Variants in DMD observed in about 807,000 individuals in gnomAD.
DMD encodes the protein dystrophin.
A neutral mutation model predicts 330.1 loss-of-function variants in DMD; 63 were observed. The ratio of observed to expected loss-of-function variants is 0.19; its 90% CI spans 0.16 to 0.24. The LOEUF is 0.24. Among genes scored for constraint, DMD ranks in the 10% least tolerant of loss-of-function variants. The probability of loss-of-function intolerance (pLI) is 1.00; values close to 1 mark genes in which losing one functional copy is unlikely to be tolerated. For synonymous variants in DMD, 1,223 were observed against 959.8 expected (o/e 1.27, Z -5.07); for missense variants, 3,344 against 2,684.1 (o/e 1.25, Z -5.43).
At chrX:32,842,673 T>C (rs1273495561) in intron 4 of DMD, among the ~76,000 whole-genome samples, 2 of 111,792 alleles carry the variant, frequency 1.8e-5, no homozygotes, top group African/African-American at 3.3e-5. Context: ...ATATGTGTTA[T>C]TCGGTTTTCT....
chrX:33,012,036 G>T (rs1421051648), intron 2 of DMD, among the ~76,000 whole-genome samples: 2 of 111,302 alleles, frequency 1.8e-5, no homozygotes, highest in African/African-American at 6.5e-5. Flanking sequence ...CTTCTAAAAG[G>T]AATTGTCAAG....
At chrX:31,673,519 A>G (rs1432418363) in intron 53 of DMD, among the ~76,000 whole-genome samples, 1 of 110,693 alleles carries the variant, frequency 9.0e-6, no homozygotes, top group Non-Finnish European at 1.9e-5. Flanking sequence ...ATGCTGAGAG[A>G]CTCACTTGAT....
At chrX:32,067,691 T>C (rs1291818530) in intron 44 of DMD, among the ~76,000 whole-genome samples, 1 of 111,894 alleles carries the variant, frequency 8.9e-6, no homozygotes, top group Non-Finnish European at 1.9e-5. Context: ...ATGATTTTCT[T>C]CTTTTCGTGG....
chrX:31,585,006 T>C (rs1483104387), intron 55 of DMD, among the ~76,000 whole-genome samples: 2 of 110,135 alleles, frequency 1.8e-5, no homozygotes, highest in Non-Finnish European at 3.8e-5. Flanking sequence ...GTCACAAATT[T>C]ATTGGCTATT....
At chrX:32,151,652 C>T (rs1437700477) in intron 44 of DMD, among the ~76,000 whole-genome samples, 2 of 111,951 alleles carry the variant, frequency 1.8e-5, no homozygotes, top group Non-Finnish European at 3.8e-5. Flanking sequence ...CTGAACATTA[C>T]TCCAAATCTA....
intron 44 of DMD, among the ~76,000 whole-genome samples, chrX:32,105,402 C>A (rs931488880): frequency 8.9e-6 from 1 of 111,734 alleles, no homozygotes. Flanking sequence ...ACATTTATAG[C>A]TTAAAATGAA....
intron 2 of DMD, among the ~76,000 whole-genome samples, chrX:33,002,629 G>A (rs952421708): frequency 1.1e-4 from 12 of 110,078 alleles, no homozygotes; most frequent in Non-Finnish European, 2.3e-4. Flanking sequence ...GACTGGGCCC[G>A]CAATCAGTCT....
intron 1 of DMD, among the ~76,000 whole-genome samples, chrX:33,163,427 C>A (rs2048868765): frequency 9.2e-6 from 1 of 108,578 alleles, no homozygotes; most frequent in South Asian, 4.1e-4. Flanking sequence ...TCCCAGGTAC[C>A]TGGGAGGCTG....
In DMD at chrX:33,009,955, T is replaced by C. The variant is rs1318659429; in HGVS notation, c.93+10184A>G. 2.4e-5 allele frequency among the ~76,000 whole-genome samples: 2 copies of C among 84,066 alleles called. 1 individual carries two copies. The highest frequency in any genetic ancestry group is 2.4e-4 in the Admixed American group (2 of 8,303). 73.0% of individuals were successfully genotyped at this position (84,066 alleles called of 115,157 possible). A position where few individuals can be genotyped will look rare whatever the true frequency, so the allele number is the denominator to read the frequency against. ...ATGTGTGTATATACACGTGTGTATG[T>C]GTATATACACATATGTGTGTATACA... On this transcript the variant is annotated intron_variant, in intron 2 of 78. Transcript: ENST00000357033.
At chrX:31,475,000 A>C (rs7892104) in intron 59 of DMD, among the ~76,000 whole-genome samples, 14,217 of 110,670 alleles carry the variant, frequency 0.13, 1,078 homozygotes, top group African/African-American at 0.29. Flanking sequence ...AAATTAAAGA[A>C]GAGCTACCGA....
chrX:31,307,631 A>T (rs1052639011), intron 62 of DMD, among the ~76,000 whole-genome samples: 19 of 112,067 alleles, frequency 1.7e-4, no homozygotes, highest in African/African-American at 4.5e-4. Context: ...TGTGAAAAAA[A>T]AATCGGCTCT....
At chrX:31,467,951 G>T (rs992070807) in intron 59 of DMD, among the ~76,000 whole-genome samples, 1 of 111,677 alleles carries the variant, frequency 9.0e-6, no homozygotes, top group African/African-American at 3.3e-5. Flanking sequence ...GTTTATTTGC[G>T]TAGAGGTGTT....
At chrX:32,044,588 A>T (rs754310169) in intron 44 of DMD, among the ~76,000 whole-genome samples, 3 of 109,203 alleles carry the variant, frequency 2.7e-5, no homozygotes, top group African/African-American at 1.0e-4. Context: ...TGCCCAGCTA[A>T]TTTTTTTGTA....
intron 68 of DMD, among the ~76,000 whole-genome samples, chrX:31,182,145 T>C (rs1602447582): frequency 8.9e-6 from 1 of 112,500 alleles, no homozygotes; most frequent in East Asian, 2.8e-4. Context: ...ATCTTCCATT[T>C]ACTTGCCTAC....
intron 9 of DMD, among the ~76,000 whole-genome samples, chrX:32,661,864 T>C (rs1350091696): frequency 1.8e-5 from 2 of 111,663 alleles, no homozygotes; most frequent in East Asian, 5.6e-4. Context: ...TTTAAATCAG[T>C]ACATAAAATA....
chrX:32,431,086 A>T (rs1387678803), intron 29 of DMD, among the ~76,000 whole-genome samples: 1 of 111,422 alleles, frequency 9.0e-6, no homozygotes, highest in Non-Finnish European at 1.9e-5. Context: ...CTAGAAGTGG[A>T]ATTGCTGGAT....
chrX:32,810,155 A>T (rs958484752), intron 6 of DMD, among the ~76,000 whole-genome samples: 1 of 110,501 alleles, frequency 9.0e-6, no homozygotes, highest in African/African-American at 3.3e-5. Flanking sequence ...TACCTTAAAT[A>T]CATACAACGT....
At chrX:32,145,750 T>C (rs995624126) in intron 44 of DMD, among the ~76,000 whole-genome samples, 12 of 111,861 alleles carry the variant, frequency 1.1e-4, no homozygotes, top group Non-Finnish European at 2.3e-4. Context: ...TTCAAACATG[T>C]CAGTAGGAAG....
chrX:33,322,630 T>A (rs2054032547), intron 1 of DMD, among the ~76,000 whole-genome samples: 2 of 111,507 alleles, frequency 1.8e-5, no homozygotes, highest in African/African-American at 6.5e-5. Flanking sequence ...TCAGTGTTAC[T>A]AAGTGAATGA....
Sources: allele counts gnomAD v4.1 joint callset (sites outside exome capture counted in the v4.1 genomes callset), GRCh38; gene constraint gnomAD v4.1.1; transcripts MANE v1.5; gene names NCBI Gene and HGNC (gene_info 2026-07-23, HGNC 2026-07-21).